CLEC16A: variants seen among roughly 807,000 people sequenced by gnomAD.
CLEC16A encodes the protein protein CLEC16A.
CLEC16A carries 51 observed loss-of-function variants against 109.5 expected under a neutral mutation model. The ratio of observed to expected loss-of-function variants is 0.47; its 90% confidence interval spans 0.37 to 0.59. The LOEUF (loss-of-function observed/expected upper bound fraction) is 0.59, where lower values mean the gene tolerates loss of function less well. CLEC16A is among the 20% of genes least tolerant of loss of function. The pLI is 0.00. For missense variants in CLEC16A, 1,339 were observed against 1,394.0 expected (o/e 0.96, Z 0.63); for synonymous variants, 673 against 564.2 (o/e 1.19, Z -2.73).
chr16:11,113,294 C>G (rs999707068), intron 19 of CLEC16A, among the ~76,000 whole-genome samples: 1 of 152,220 alleles, frequency 6.6e-6, no homozygotes, highest in Non-Finnish European at 1.5e-5. Context: ...TTGTGTAAAG[C>G]TGTGGAAAGA....
At chr16:10,969,078 A>T in intron 3 of CLEC16A, 83 bp from the exon 4 acceptor site, 1 of 1,150,868 alleles carries the variant, frequency 8.7e-7, no homozygotes, top group Non-Finnish European at 1.2e-6. Context: ...TGATTCAAGT[A>T]CATTAACGTG....
At chr16:11,049,117 C>A (rs1364147885) in intron 17 of CLEC16A, among the ~76,000 whole-genome samples, 6 of 152,052 alleles carry the variant, frequency 3.9e-5, no homozygotes, top group Admixed American at 3.9e-4. Context: ...AAGCAATTCT[C>A]CTGCCTCAGC....
chr16:11,156,686 A>G lies in CLEC16A; in HGVS notation c.2642-9702A>G, dbSNP rs563171165. 7 of 1,302,820 alleles carry G rather than the reference A, an allele frequency of 5.4e-6. No individual in the cohort carries two copies. The South Asian group carries it at 7.4e-5, about 14-fold the overall frequency. The allele number at this position is 1,302,820 out of a possible 1,614,324, so 80.7% of individuals were successfully genotyped here. On this transcript the variant is annotated intron_variant, in intron 22 of 23. Transcript: ENST00000409790. ...TTTGCTTGCTAATTTACAGACGGTA[A>G]TACCAGTGGAAGAGGGCAGGGGCTG...
intron 19 of CLEC16A, among the ~76,000 whole-genome samples, chr16:11,076,289 C>T (rs768218331): frequency 1.6e-4 from 25 of 152,172 alleles, no homozygotes; most frequent in Non-Finnish European, 3.1e-4. Context: ...CTTGGGCCAC[C>T]GGCTTCAGGG....
intron 19 of CLEC16A, among the ~76,000 whole-genome samples, chr16:11,062,397 C>T (rs2048530832): frequency 6.6e-6 from 1 of 152,228 alleles, no homozygotes; most frequent in African/African-American, 2.4e-5. Context: ...CTAGACCCTG[C>T]TTTGTATTCC....
chr16:11,181,919 A>G lies in CLEC16A; in HGVS notation c.*3229A>G, dbSNP rs200354309. The G allele has an allele frequency of 1.3e-4, 20 of 152,804 alleles. No homozygotes were observed. In the Middle Eastern group the frequency reaches 0.014, roughly 104 times the overall value. 9.5% of individuals were successfully genotyped at this position (152,804 alleles called of 1,614,324 possible). A position where few individuals can be genotyped will look rare whatever the true frequency, so the allele number is the denominator to read the frequency against. ...TAGATGCAATAAATAAATCTGAAGCATTTAATGTAGTCATCTTGACATTGG... is the reference window on the plus strand; with the variant it reads ...TAGATGCAATAAATAAATCTGAAGCGTTTAATGTAGTCATCTTGACATTGG... On this transcript the variant is annotated 3_prime_UTR_variant, in exon 24 of 24. Coordinates refer to ENST00000409790, the MANE Select transcript of CLEC16A (RefSeq NM_015226.3).
chr16:11,112,680 T>TACAC (rs1269440239), intron 19 of CLEC16A, among the ~76,000 whole-genome samples: 1 of 151,736 alleles, frequency 6.6e-6, no homozygotes, highest in Non-Finnish European at 1.5e-5. Flanking sequence ...CATACATACA[T>TACAC]ACACACACAC....
chr16:10,973,887 C>CTTT (rs569414844), intron 7 of CLEC16A, among the ~76,000 whole-genome samples: 598 of 46,570 alleles, frequency 0.013, 196 homozygotes, highest in African/African-American at 0.048. Flanking sequence ...GGGCTGCTTG[C>CTTT]TTTTTTTTTT....
At chr16:11,092,351 A>G (rs2050350752) in intron 19 of CLEC16A, among the ~76,000 whole-genome samples, 1 of 103,638 alleles carries the variant, frequency 9.6e-6, no homozygotes, top group Admixed American at 1.1e-4. Flanking sequence ...TCAAAAAACA[A>G]ACAAAAACAA....
At chr16:11,000,583 G>A (rs1443357466) in intron 10 of CLEC16A, among the ~76,000 whole-genome samples, 1 of 152,152 alleles carries the variant, frequency 6.6e-6, no homozygotes, top group Non-Finnish European at 1.5e-5. Flanking sequence ...TCCTAAGTGG[G>A]CTCTGATGGA....
chr16:11,124,902 C>A (rs779367240), intron 21 of CLEC16A, among the ~76,000 whole-genome samples: 4 of 152,198 alleles, frequency 2.6e-5, no homozygotes, highest in Non-Finnish European at 5.9e-5. Flanking sequence ...GCCTGGGAAA[C>A]ATGGCAAGAC....
chr16:11,040,171 C>T, intron 14 of CLEC16A: 1 of 367,130 alleles, frequency 2.7e-6, no homozygotes, highest in Non-Finnish European at 4.9e-6. Flanking sequence ...CGCCCCCACC[C>T]CGCTATGTCT....
intron 19 of CLEC16A, among the ~76,000 whole-genome samples, chr16:11,106,906 A>G (rs1025456692): frequency 3.3e-5 from 5 of 152,186 alleles, no homozygotes; most frequent in African/African-American, 1.2e-4. Flanking sequence ...CACTTGGCCC[A>G]GGCCCGGCTT....
intron 19 of CLEC16A, among the ~76,000 whole-genome samples, chr16:11,067,305 A>G (rs77078190): frequency 0.016 from 2,374 of 151,548 alleles, 52 homozygotes; most frequent in African/African-American, 0.055. Context: ...ACAGCAGCAC[A>G]GATCAAACTC....
At chr16:10,958,360 G>A (rs2042090481) in intron 2 of CLEC16A, among the ~76,000 whole-genome samples, 1 of 152,140 alleles carries the variant, frequency 6.6e-6, no homozygotes. Flanking sequence ...TAGAGGCCCT[G>A]TTGGTGTCCC....
chr16:10,973,934 C>T (rs1237363907), intron 7 of CLEC16A, among the ~76,000 whole-genome samples: 3 of 106,046 alleles, frequency 2.8e-5, no homozygotes, highest in Non-Finnish European at 5.1e-5. Context: ...GAGTCTTGCT[C>T]TGTCTCCCAG....
At chr16:11,076,101 G>T (rs1396895507) in intron 19 of CLEC16A, among the ~76,000 whole-genome samples, 1 of 152,130 alleles carries the variant, frequency 6.6e-6, no homozygotes, top group African/African-American at 2.4e-5. Context: ...GGGACTAGGG[G>T]GTCAGCTTCC....
rs1272108083 is a variant in CLEC16A at position 11,027,551 on chromosome 16, C to G, written c.1537+2630C>G. The G allele has an allele frequency of 3.2e-6, 5 of 1,557,620 alleles. No homozygotes were observed. The African/African-American group carries it at 4.0e-5, about 13-fold the overall frequency. ...CAGACAACACAGTGATTGAGGAGCA[C>G]CTGGGGAAGTTTGGCATCATTTGCT... On this transcript the variant is annotated intron_variant, in intron 13 of 23. Transcript: ENST00000409790.
chr16:11,020,064 C>T, intron 11 of CLEC16A, 129 bp from the exon 12 acceptor site: 1 of 1,087,530 alleles, frequency 9.2e-7, no homozygotes, highest in Non-Finnish European at 1.3e-6. Context: ...GTTCAGGTCG[C>T]TGCTGTCGGA....
Sources: gnomAD v4.1 joint callset for allele counts (sites outside exome capture counted in the v4.1 genomes callset) on GRCh38, gnomAD v4.1.1 for gene constraint, MANE v1.5 for transcripts, NCBI Gene and HGNC (gene_info 2026-07-23, HGNC 2026-07-21) for gene names.